The following LMLN variants were observed in gnomAD, a reference collection of about 807,000 sequenced individuals.
The protein encoded by LMLN is leishmanolysin like peptidase, also known as leishmanolysin-like peptidase.
LMLN carries 70 observed loss-of-function variants against 92.3 expected under a neutral mutation model. The ratio of observed to expected loss-of-function variants is 0.76; its 90% confidence interval spans 0.63 to 0.92. The LOEUF is 0.92. LMLN is among the 40% of genes least tolerant of loss of function. The probability of loss-of-function intolerance (pLI) is 0.00; values close to 1 mark genes in which losing one functional copy is unlikely to be tolerated. For missense variants in LMLN, 691 were observed against 814.6 expected, an observed-to-expected ratio of 0.85 and a Z score of 1.85; for synonymous variants, 308 against 296.2, an observed-to-expected ratio of 1.04 and a Z score of -0.41.
intron 1 of LMLN, among the ~76,000 whole-genome samples, chr3:197,967,255 A>G (rs766829473): frequency 6.6e-5 from 10 of 152,212 alleles, no homozygotes; most frequent in Non-Finnish European, 1.3e-4. Flanking sequence ...CCCGCCCCCA[A>G]TATTTCAAAG....
At chr3:198,038,408 C>A in intron 15 of LMLN, 159 bp from the exon 17 acceptor site, 1 of 569,520 alleles carries the variant, frequency 1.8e-6, no homozygotes, top group Non-Finnish European at 3.2e-6. Flanking sequence ...AAAAAAGAAA[C>A]AAAAACTTTT....
intron 8 of LMLN, among the ~76,000 whole-genome samples, chr3:197,988,806 C>T (rs1041065958): frequency 4.6e-5 from 7 of 152,018 alleles, no homozygotes; most frequent in African/African-American, 7.3e-5. Context: ...CTCAGCCTCC[C>T]GAGTAGCTGG....
At chr3:198,008,412 T>TTAA (rs1422787711) in intron 11 of LMLN, among the ~76,000 whole-genome samples, 1 of 152,206 alleles carries the variant, frequency 6.6e-6, no homozygotes, top group Non-Finnish European at 1.5e-5. Context: ...CCTGTCATAC[T>TTAA]TAATATTGAC....
intron 11 of LMLN, among the ~76,000 whole-genome samples, chr3:198,016,201 A>C (rs200891541): frequency 5.7e-5 from 8 of 139,182 alleles, no homozygotes; most frequent in African/African-American, 1.5e-4. Flanking sequence ...AAACAAAAAA[A>C]AAAAAAAAAA....
In LMLN at chr3:197,976,431, A is replaced by G. The variant is rs200724568; in HGVS notation, c.432-167A>G. On this transcript the variant is annotated intron_variant, in intron 4 of 15. Coordinates refer to ENST00000330198, the Ensembl canonical transcript of LMLN. ...TTTGGGTGTTTAAAAACCCAAATCA[A>G]GAGGATTTCCTATAGAACCCAAATT... 4.1e-5 allele frequency: 22 copies of G among 535,644 alleles called. No homozygotes were observed. In the East Asian group the frequency reaches 6.3e-4, roughly 15 times the overall value. The allele number at this position is 535,644 out of a possible 1,614,324, so 33.2% of individuals were successfully genotyped here. A position where few individuals can be genotyped will look rare whatever the true frequency, so the allele number is the denominator to read the frequency against.
intron 11 of LMLN, among the ~76,000 whole-genome samples, chr3:198,009,972 T>C (rs544155074): frequency 6.6e-6 from 1 of 152,288 alleles, no homozygotes; most frequent in East Asian, 1.9e-4. Context: ...AGTCCTGATA[T>C]TGGTAATTTT....
At chr3:198,015,224 A>C (rs1432648488) in intron 11 of LMLN, among the ~76,000 whole-genome samples, 3 of 137,208 alleles carry the variant, frequency 2.2e-5, no homozygotes, top group Admixed American at 7.1e-5. Context: ...CCTCCTAACT[A>C]GTCTGACTTC....
At chr3:197,996,354 A>G in intron 10 of LMLN, 72 bp downstream of exon 10, 1 of 1,023,610 alleles carries the variant, frequency 9.8e-7, no homozygotes, top group South Asian at 1.6e-5. Context: ...AAACTTATTC[A>G]AGCAGGTTAT....
intron 4 of LMLN, 120 bp from the exon 5 acceptor site, chr3:197,976,477 AC>A (rs2109858569): frequency 1.7e-6 from 1 of 579,522 alleles, no homozygotes; most frequent in Admixed American, 2.9e-5. Context: ...TACTTTCCTG[AC>A]TAAAATAGTA....
At chr3:198,032,200 C>G (rs952473636) in intron 14 of LMLN, among the ~76,000 whole-genome samples, 1 of 152,054 alleles carries the variant, frequency 6.6e-6, no homozygotes, top group Non-Finnish European at 1.5e-5. Flanking sequence ...CTATGGGGCT[C>G]CTTTCTTACA....
chr3:197,994,288 G>A (rs967490169), intron 9 of LMLN, among the ~76,000 whole-genome samples: 12 of 152,276 alleles, frequency 7.9e-5, no homozygotes, highest in Non-Finnish European at 1.6e-4. Flanking sequence ...AGACGCAGAA[G>A]CCTCTGCACA....
chr3:198,032,074 C>T (rs1315078935), intron 14 of LMLN, among the ~76,000 whole-genome samples: 2 of 150,266 alleles, frequency 1.3e-5, no homozygotes, highest in African/African-American at 4.9e-5. Flanking sequence ...TGTACCACAG[C>T]CTGGGCGACA....
At chr3:198,024,909 C>T in intron 14 of LMLN, 121 bp downstream of exon 15, 1 of 684,144 alleles carries the variant, frequency 1.5e-6, no homozygotes. Flanking sequence ...AATACTGTAT[C>T]TTGTTTATGT....
chr3:197,984,649 A>C (rs183916701), intron 7 of LMLN, among the ~76,000 whole-genome samples: 1 of 151,334 alleles, frequency 6.6e-6, no homozygotes, highest in South Asian at 2.1e-4. Context: ...AGGTCTCGCT[A>C]TGTTGCCCAG....
chr3:197,996,323 A>G (rs763415383), intron 10 of LMLN, 41 bp downstream of exon 10: 3 of 1,235,480 alleles, frequency 2.4e-6, no homozygotes, highest in Non-Finnish European at 3.4e-6. Context: ...TATTTAATGA[A>G]AATAATTCAT....
At chr3:198,033,344 G>T (rs990139371) in intron 14 of LMLN, among the ~76,000 whole-genome samples, 2 of 151,768 alleles carry the variant, frequency 1.3e-5, no homozygotes, top group South Asian at 4.2e-4. Context: ...AAAATAGTCT[G>T]GTACTGTTCA....
At chr3:198,036,389 T>C (rs898947839) in intron 15 of LMLN, among the ~76,000 whole-genome samples, 4 of 152,106 alleles carry the variant, frequency 2.6e-5, no homozygotes, top group African/African-American at 9.7e-5. Flanking sequence ...AGTAATTAAA[T>C]ATATTTTAGT....
At chr3:198,041,834 CTA>C (rs1174573453) in exon 16 of LMLN, 1 of 152,120 alleles carries the variant, frequency 6.6e-6, no homozygotes, top group Non-Finnish European at 1.5e-5. Flanking sequence ...ATAGGTTCGA[CTA>C]TATTTTGACT....
At chr3:197,964,897 C>G (rs1022895936) in intron 1 of LMLN, among the ~76,000 whole-genome samples, 2 of 151,604 alleles carry the variant, frequency 1.3e-5, no homozygotes, top group Non-Finnish European at 2.9e-5. Flanking sequence ...ATCCCAGCTA[C>G]TCTGGAGGCT....
Sources: gnomAD v4.1 joint callset for allele counts (sites outside exome capture counted in the v4.1 genomes callset) on GRCh38, gnomAD v4.1.1 for gene constraint, MANE v1.5 for transcripts, NCBI Gene and HGNC (gene_info 2026-07-23, HGNC 2026-07-21) for gene names.